The following LAPTM4B variants were observed in gnomAD, a reference collection of about 807,000 sequenced individuals.
LAPTM4B encodes the protein lysosomal protein transmembrane 4 beta, also known as lysosomal-associated transmembrane protein 4B.
A neutral mutation model predicts 28.5 loss-of-function variants in LAPTM4B; 26 were observed. The observed-to-expected ratio is 0.91, with a 90% CI of 0.67 to 1.27. The LOEUF is 1.27. Among genes scored for constraint, LAPTM4B ranks in the 50% most tolerant of loss-of-function variants. The probability of loss-of-function intolerance (pLI) is 0.00; values close to 1 mark genes in which losing one functional copy is unlikely to be tolerated. For synonymous variants in LAPTM4B, 109 were observed against 106.4 expected, an observed-to-expected ratio of 1.02 and a Z score of -0.15; for missense variants, 288 against 285.8, an observed-to-expected ratio of 1.01 and a Z score of -0.06.
chr8:97,826,864 T>G (rs1362649078), intron 6 of LAPTM4B, among the ~76,000 whole-genome samples: 1 of 152,194 alleles, frequency 6.6e-6, no homozygotes, highest in African/African-American at 2.4e-5. Context: ...ATCTATAAAT[T>G]TTTTCTTTTT....
rs867643937 is a variant in LAPTM4B at position 97,790,188 on chromosome 8, T to C, written c.99+14080T>C. 6.6e-3 allele frequency among the ~76,000 whole-genome samples: 1,008 copies of C among 152,070 alleles called. 17 individuals carry two copies. Among genetic ancestry groups the C allele is most frequent in the African/African-American group, 0.022 (930 of 41,464 alleles). On this transcript the variant is annotated intron_variant, in intron 1 of 6. Coordinates refer to ENST00000521545, the MANE Select transcript of LAPTM4B (RefSeq NM_018407.6). Reference sequence around the variant, plus strand: ...GCAGTAAAATGGGAGTGCAGCTATTTTTTTTTTGATAAGCTTATTTCCTTT... The same window carrying C: ...GCAGTAAAATGGGAGTGCAGCTATTCTTTTTTTGATAAGCTTATTTCCTTT...
intron 5 of LAPTM4B, among the ~76,000 whole-genome samples, chr8:97,821,291 G>A (rs1184443868): frequency 4.0e-5 from 6 of 151,680 alleles, no homozygotes; most frequent in Non-Finnish European, 8.8e-5. Flanking sequence ...AGATGAGATC[G>A]AGCTACTGCA....
intron 1 of LAPTM4B, among the ~76,000 whole-genome samples, chr8:97,787,924 C>T (rs371680925): frequency 1.3e-5 from 2 of 152,122 alleles, no homozygotes; most frequent in African/African-American, 4.8e-5. Flanking sequence ...AACCTCTTCT[C>T]CCAGGTTCAA....
Position 97,837,262 on chromosome 8 carries a change from G to A in LAPTM4B, c.603+12109G>A, listed in dbSNP as rs556287116. 2.8e-5 allele frequency among the ~76,000 whole-genome samples: 4 copies of A among 144,626 alleles called. No homozygotes were observed. The Admixed American group carries it at 2.8e-4, about 10-fold the overall frequency. The allele number at this position is 144,626 out of a possible 152,430, so 94.9% of individuals were successfully genotyped here. On this transcript the variant is annotated intron_variant, in intron 6 of 6. Transcript: ENST00000521545. ...CTGTGGAGTGCGTGGGTGTGATCTT[G>A]GCTCACTGCAGCCTCTGCTTCCCAG...
chr8:97,790,804 G>C lies in LAPTM4B; in HGVS notation c.100-14549G>C, dbSNP rs1277488786. ...GCCCAGGCTGGAGTGCAGTGGCACA[G>C]TCTTGGCTCACCGCAACTTTCGCCT... On this transcript the variant is annotated intron_variant, in intron 1 of 6. Coordinates refer to ENST00000521545, the MANE Select transcript of LAPTM4B (RefSeq NM_018407.6). Among the ~76,000 whole-genome samples the C allele has an allele frequency of 9.9e-5, 15 of 151,942 alleles. 1 individual carries two copies. The highest frequency in any genetic ancestry group is 9.8e-4 in the Admixed American group (15 of 15,256).
intron 6 of LAPTM4B, among the ~76,000 whole-genome samples, chr8:97,841,789 G>A (rs1817352925): frequency 6.6e-6 from 1 of 152,066 alleles, no homozygotes; most frequent in African/African-American, 2.4e-5. Flanking sequence ...ACAGGCAAAT[G>A]TGGCGTGACC....
chr8:97,796,759 G>A (rs911952810), intron 1 of LAPTM4B, among the ~76,000 whole-genome samples: 1 of 152,024 alleles, frequency 6.6e-6, no homozygotes, highest in African/African-American at 2.4e-5. Flanking sequence ...GGCCAACATG[G>A]TAAAACCCCT....
At chr8:97,841,606 G>A (rs1270995603) in intron 6 of LAPTM4B, among the ~76,000 whole-genome samples, 1 of 152,210 alleles carries the variant, frequency 6.6e-6, no homozygotes, top group Non-Finnish European at 1.5e-5. Context: ...GGGATTACAG[G>A]CGTGAGCCAC....
chr8:97,839,073 G>C (rs1289601954), intron 6 of LAPTM4B, among the ~76,000 whole-genome samples: 1 of 152,162 alleles, frequency 6.6e-6, no homozygotes, highest in East Asian at 1.9e-4. Flanking sequence ...ATGCTCCTGA[G>C]ATTTTTCTCC....
At chr8:97,822,468 T>C (rs1205405438) in intron 5 of LAPTM4B, among the ~76,000 whole-genome samples, 1 of 151,998 alleles carries the variant, frequency 6.6e-6, no homozygotes, top group Non-Finnish European at 1.5e-5. Flanking sequence ...TTATTTGAAA[T>C]GCCCACATCA....
chr8:97,813,099 A>G (rs1288893294), intron 2 of LAPTM4B, among the ~76,000 whole-genome samples: 1 of 152,254 alleles, frequency 6.6e-6, no homozygotes, highest in Non-Finnish European at 1.5e-5. Context: ...ATTAAGGAGG[A>G]TTGACTTATA....
At chr8:97,785,213 G>A (rs1816382059) in intron 1 of LAPTM4B, among the ~76,000 whole-genome samples, 1 of 151,500 alleles carries the variant, frequency 6.6e-6, no homozygotes, top group South Asian at 2.1e-4. Flanking sequence ...AGCCTCCCGA[G>A]TACATGGGAT....
chr8:97,776,191 G>A, intron 1 of LAPTM4B, 83 bp downstream of exon 1: 1 of 1,406,260 alleles, frequency 7.1e-7, no homozygotes, highest in Non-Finnish European at 9.3e-7. Context: ...GCGGTGGGGT[G>A]AGGCGTGCGC....
chr8:97,779,934 T>G (rs1357350252), intron 1 of LAPTM4B, among the ~76,000 whole-genome samples: 1 of 150,838 alleles, frequency 6.6e-6, no homozygotes, highest in Non-Finnish European at 1.5e-5. Flanking sequence ...ACCTGTAATC[T>G]CAGCTGCTGG....
intron 6 of LAPTM4B, among the ~76,000 whole-genome samples, chr8:97,845,411 A>G (rs1432713494): frequency 6.6e-6 from 1 of 151,132 alleles, no homozygotes; most frequent in Non-Finnish European, 1.5e-5. Flanking sequence ...CTGTCAGTTT[A>G]TTAATATTAA....
At chr8:97,806,571 G>A (rs917623420) in intron 2 of LAPTM4B, among the ~76,000 whole-genome samples, 4 of 152,150 alleles carry the variant, frequency 2.6e-5, no homozygotes, top group Admixed American at 6.5e-5. Context: ...AATTGATATG[G>A]TTTGGCTGTG....
At position 97,839,731 on chromosome 8, in the gene LAPTM4B, C is replaced by T. The variant is rs116031680; in HGVS notation, c.604-11666C>T. ...TAAAGCTCCAAACAAACCTAGTTTT[C>T]GTTGTGAACCATTTTACTATAAAAC... On this transcript the variant is annotated intron_variant, in intron 6 of 6. Transcript: ENST00000521545. 6.6e-3 allele frequency among the ~76,000 whole-genome samples: 1,002 copies of T among 152,216 alleles called. 15 individuals carry two copies. The highest frequency in any genetic ancestry group is 0.022 in the African/African-American group (908 of 41,520).
At chr8:97,806,723 G>A (rs535500970) in intron 2 of LAPTM4B, among the ~76,000 whole-genome samples, 6 of 152,246 alleles carry the variant, frequency 3.9e-5, no homozygotes, top group South Asian at 4.1e-4. Context: ...GATTGAGGCC[G>A]AGGCTGGCAG....
chr8:97,776,526 G>C (rs917335215), intron 1 of LAPTM4B, among the ~76,000 whole-genome samples: 5 of 152,270 alleles, frequency 3.3e-5, no homozygotes, highest in Non-Finnish European at 2.9e-5. Context: ...GGTCGCGGAG[G>C]TGACGGCGCA....
Sources: gnomAD v4.1 joint callset for allele counts (sites outside exome capture counted in the v4.1 genomes callset) on GRCh38, gnomAD v4.1.1 for gene constraint, MANE v1.5 for transcripts, NCBI Gene and HGNC (gene_info 2026-07-23, HGNC 2026-07-21) for gene names.